The following RAB11FIP3 variants were observed in gnomAD, a reference collection of about 807,000 sequenced individuals.
The protein encoded by RAB11FIP3 is rab11 family-interacting protein 3.
RAB11FIP3 carries 17 observed loss-of-function variants against 77.8 expected under a neutral mutation model. The observed-to-expected ratio is 0.22, with a 90% CI of 0.15 to 0.33. The LOEUF (loss-of-function observed/expected upper bound fraction) is 0.33, where lower values mean the gene tolerates loss of function less well. Ranked by LOEUF, RAB11FIP3 falls within the 10% of genes least tolerant of loss-of-function variation. The pLI is 1.00. For synonymous variants in RAB11FIP3, 437 were observed against 448.2 expected, an observed-to-expected ratio of 0.98 and a Z score of 0.31; for missense variants, 1,005 against 1,011.2, an observed-to-expected ratio of 0.99 and a Z score of 0.08.
chr16:497,428 G>C (rs2031229137), intron 6 of RAB11FIP3: 2 of 1,250,050 alleles, frequency 1.6e-6, no homozygotes, highest in Non-Finnish European at 2.1e-6. Flanking sequence ...TGGCTGCCGG[G>C]TGGCCTCTGC....
In RAB11FIP3 at chr16:506,963, C is replaced by CTTGTT. The variant is rs1049698130; in HGVS notation, c.1499+1349_1499+1353dup. 1.3e-5 allele frequency among the ~76,000 whole-genome samples: 2 copies of CTTGTT among 152,104 alleles called. No homozygotes were observed. The highest frequency in any genetic ancestry group is 2.9e-5 in the Non-Finnish European group (2 of 68,010). On this transcript the variant is annotated intron_variant, in intron 8 of 13. Coordinates refer to ENST00000262305, the MANE Select transcript of RAB11FIP3 (RefSeq NM_014700.4). The surrounding 1 kb of genome is among the most constrained non-coding windows in gnomAD (Gnocchi z 4.5). ...AGAATCCGGGGGGCTGCCAGATGCA[C>CTTGTT]TTGTTTTGTTTTGTTTTTTGAGAGA...
At chr16:456,102 C>T (rs921316498) in intron 1 of RAB11FIP3, among the ~76,000 whole-genome samples, 6 of 151,488 alleles carry the variant, frequency 4.0e-5, no homozygotes, top group Non-Finnish European at 5.9e-5. Context: ...GAGGCCAAGG[C>T]GGATGGATCA....
chr16:491,182 G>A (rs1438238708), intron 5 of RAB11FIP3: 51 of 1,304,490 alleles, frequency 3.9e-5, no homozygotes, highest in East Asian at 3.3e-4. Context: ...CTGATGAGGC[G>A]TTTGAGTTTT....
rs925305584 is a variant in RAB11FIP3, at chr16:507,612, C to T, written c.1499+1985C>T. Among the ~76,000 whole-genome samples, 4 of 152,240 alleles carry T rather than the reference C, an allele frequency of 2.6e-5. No homozygotes were observed. The highest frequency in any genetic ancestry group is 7.2e-5 in the African/African-American group (3 of 41,454). ...GTCTGGAGTATGTTCATCTGTTTTC[C>T]GTGTGTGTGGTGTGAAGTCCACACT... On this transcript the variant is annotated intron_variant, in intron 8 of 13. Transcript: ENST00000262305. The surrounding 1 kb of genome is among the most constrained non-coding windows in gnomAD (Gnocchi z 4.6).
At chr16:520,023 AG>A (rs2032605074) in intron 11 of RAB11FIP3, 98 bp from the exon 12 acceptor site, 1 of 1,525,080 alleles carries the variant, frequency 6.6e-7, no homozygotes, top group South Asian at 1.2e-5. Context: ...TCCTCCCGAG[AG>A]ACGGCCAGAT....
chr16:471,280 G>C lies in RAB11FIP3; in HGVS notation c.809-15G>C, dbSNP rs1247133775. The C allele has an allele frequency of 6.2e-7, 1 of 1,609,722 alleles. No individual in the cohort carries two copies. The highest frequency in any genetic ancestry group is 8.5e-7 in the Non-Finnish European group (1 of 1,176,424). The stretch of plus-strand genomic sequence containing the variant: ...CTATGGGTGGCCTGTTGAGCACGAG[G>C]TCTTCTCCCTGCAGATCCTGATGGC... On this transcript the variant is annotated splice_polypyrimidine_tract_variant and intron_variant, in intron 2 of 13. Transcript: ENST00000262305. This position sits in a 1 kb window ranked among gnomAD's most constrained non-coding sequence, Gnocchi z 4.4.
intron 1 of RAB11FIP3, among the ~76,000 whole-genome samples, chr16:428,620 GA>G (rs2054989233): frequency 1.4e-4 from 21 of 152,118 alleles, no homozygotes; most frequent in Non-Finnish European, 2.8e-4. Flanking sequence ...TGGAAACCCA[GA>G]AAGGTCAGAT....
chr16:500,417 TCA>T (rs2031428941), intron 6 of RAB11FIP3, among the ~76,000 whole-genome samples: 1 of 152,030 alleles, frequency 6.6e-6, no homozygotes, highest in Middle Eastern at 3.4e-3. Flanking sequence ...ACGCGGTGGT[TCA>T]CGCCTGTACT....
chr16:510,544 C>T (rs2032093385), intron 8 of RAB11FIP3, 116 bp from the exon 9 acceptor site: 1 of 1,215,348 alleles, frequency 8.2e-7, no homozygotes, highest in Non-Finnish European at 1.1e-6. Context: ...CTTCTCGGTG[C>T]CCTACTCCCG....
chr16:441,713 G>T, intron 1 of RAB11FIP3, among the ~76,000 whole-genome samples: 1 of 152,188 alleles, frequency 6.6e-6, no homozygotes, highest in South Asian at 2.1e-4. Flanking sequence ...ACACATTTGT[G>T]TTCCCACACC....
intron 2 of RAB11FIP3, among the ~76,000 whole-genome samples, chr16:462,876 A>C (rs577466160): frequency 1.4e-3 from 189 of 131,956 alleles, no homozygotes; most frequent in Middle Eastern, 5.0e-3. Flanking sequence ...TCCTCAGCAC[A>C]ATGTCTTCCC....
chr16:479,987 TA>T (rs930926468), intron 3 of RAB11FIP3, among the ~76,000 whole-genome samples: 2 of 151,674 alleles, frequency 1.3e-5, no homozygotes, highest in African/African-American at 4.8e-5. Context: ...ATTTTTCATT[TA>T]AAAAAAAGTT....
chr16:492,359 G>GGGAGACCCGAGGCCGCCCAGAGCCC (rs199613861), intron 5 of RAB11FIP3, among the ~76,000 whole-genome samples: 1 of 41,868 alleles, frequency 2.4e-5, no homozygotes, highest in East Asian at 1.1e-3. Flanking sequence ...TTTGAAGAGG[G>GGGAGACCCGAGGCCGCCCAGAGCCC]TCTTCCCGGG....
chr16:519,738 G>T lies in RAB11FIP3; in HGVS notation c.1723-16G>T, dbSNP rs371442097. ...GGTGCGTGACCCGCATCCAGGGCAG[G>T]TGTCCACCCCTGCAGGAGAAGCAGA... On this transcript the variant is annotated splice_polypyrimidine_tract_variant and intron_variant, in intron 10 of 13. Coordinates refer to ENST00000262305, the MANE Select transcript of RAB11FIP3 (RefSeq NM_014700.4). The T allele has an allele frequency of 1.2e-4, 198 of 1,611,278 alleles. 2 individuals carry two copies. The South Asian group carries it at 1.9e-3, about 16-fold the overall frequency.
At chr16:513,163 CCTT>C (rs1459599176) in intron 9 of RAB11FIP3, among the ~76,000 whole-genome samples, 20 of 152,138 alleles carry the variant, frequency 1.3e-4, no homozygotes, top group Admixed American at 9.2e-4. Flanking sequence ...AGTTCTCTAT[CCTT>C]CTTGTGTGTC....
intron 5 of RAB11FIP3, among the ~76,000 whole-genome samples, chr16:493,304 T>G (rs1204766839): frequency 2.0e-5 from 3 of 150,444 alleles, no homozygotes; most frequent in Non-Finnish European, 4.4e-5. Context: ...GCTATTCAAT[T>G]CAACACAATC....
intron 2 of RAB11FIP3, among the ~76,000 whole-genome samples, chr16:463,430 G>GTTTTTTTTTTTTTTTTTTTT (rs142875972): frequency 1.2e-5 from 1 of 82,260 alleles, no homozygotes. Flanking sequence ...TTGTTCCCCG[G>GTTTTTTTTTTTTTTTTTTTT]TTTTTTTTTT....
chr16:439,948 A>G (rs1354370887), intron 1 of RAB11FIP3, among the ~76,000 whole-genome samples: 2 of 151,734 alleles, frequency 1.3e-5, no homozygotes, highest in Non-Finnish European at 2.9e-5. Context: ...GTTTCAAGCA[A>G]TTCTCCTGCC....
At chr16:443,190 G>C (rs771994710) in intron 1 of RAB11FIP3, among the ~76,000 whole-genome samples, 48 of 152,080 alleles carry the variant, frequency 3.2e-4, no homozygotes, top group Admixed American at 2.4e-3. Context: ...GCTCTCTCTT[G>C]CAGACTAAGA....
Sources: allele counts gnomAD v4.1 joint callset (sites outside exome capture counted in the v4.1 genomes callset), GRCh38; gene constraint gnomAD v4.1.1; non-coding constraint Gnocchi (gnomAD v3.1); transcripts MANE v1.5; gene names NCBI Gene and HGNC (gene_info 2026-07-23, HGNC 2026-07-21).